LRMDA: variants seen among roughly 807,000 people sequenced by gnomAD.
LRMDA encodes leucine-rich melanocyte differentiation-associated protein.
A neutral mutation model predicts 29.8 loss-of-function variants in LRMDA; 18 were observed. The ratio of observed to expected loss-of-function variants is 0.60; its 90% CI spans 0.42 to 0.90. LRMDA has a LOEUF of 0.90. LRMDA is among the 40% of genes least tolerant of loss of function. The pLI, the probability that LRMDA is intolerant of heterozygous loss-of-function variation, is 0.00. For synonymous variants in LRMDA, 125 were observed against 109.4 expected (o/e 1.14, Z -0.89); for missense variants, 273 against 273.9 (o/e 1.00, Z 0.02).
chr10:76,418,889 G>A (rs1274531909), intron 6 of LRMDA, among the ~76,000 whole-genome samples: 1 of 151,972 alleles, frequency 6.6e-6, no homozygotes, highest in Admixed American at 6.6e-5. Context: ...TTATATTAAT[G>A]TGATGAATTA....
intron 2 of LRMDA, among the ~76,000 whole-genome samples, chr10:75,950,377 A>G (rs777978220): frequency 6.6e-6 from 1 of 152,130 alleles, no homozygotes; most frequent in Non-Finnish European, 1.5e-5. Context: ...TTACCCTTCT[A>G]AGACCCTGAG....
chr10:76,141,744 T>C (rs1004640680), intron 5 of LRMDA, among the ~76,000 whole-genome samples: 3 of 152,134 alleles, frequency 2.0e-5, no homozygotes, highest in African/African-American at 7.2e-5. Context: ...TTCAAGCCCC[T>C]TGGTCCATCA....
chr10:75,909,657 G>A (rs894554220), intron 2 of LRMDA, among the ~76,000 whole-genome samples: 3 of 152,096 alleles, frequency 2.0e-5, no homozygotes, highest in Non-Finnish European at 4.4e-5. Flanking sequence ...ATTTGACCTC[G>A]GGTAGGCTTT....
At chr10:75,531,405 G>A (rs1036201826) in intron 2 of LRMDA, among the ~76,000 whole-genome samples, 11 of 152,178 alleles carry the variant, frequency 7.2e-5, no homozygotes, top group Admixed American at 3.3e-4. Flanking sequence ...TCACAGACTC[G>A]TGGTGAGTGT....
intron 6 of LRMDA, among the ~76,000 whole-genome samples, chr10:76,436,855 T>C (rs2132287880): frequency 6.6e-6 from 1 of 152,278 alleles, no homozygotes; most frequent in Middle Eastern, 3.4e-3. Flanking sequence ...AAGCCTTCAA[T>C]TGGTCAGGTG....
intron 5 of LRMDA, among the ~76,000 whole-genome samples, chr10:76,312,203 C>CTGAT (rs1365930889): frequency 6.6e-6 from 1 of 152,172 alleles, no homozygotes; most frequent in African/African-American, 2.4e-5. Flanking sequence ...GTGTCCTCAG[C>CTGAT]TGATTGCATG....
chr10:76,149,148 T>C (rs1264645278), intron 5 of LRMDA, among the ~76,000 whole-genome samples: 2 of 152,208 alleles, frequency 1.3e-5, no homozygotes, highest in Non-Finnish European at 2.9e-5. Flanking sequence ...CATCTTCCCT[T>C]AGGTGATTTT....
At chr10:75,962,835 T>A (rs918975495) in intron 2 of LRMDA, among the ~76,000 whole-genome samples, 1 of 152,192 alleles carries the variant, frequency 6.6e-6, no homozygotes, top group Admixed American at 6.5e-5. Context: ...TTGTTTTTGC[T>A]AAGCTTTAAC....
intron 5 of LRMDA, among the ~76,000 whole-genome samples, chr10:76,118,175 T>C (rs1849698835): frequency 6.6e-6 from 1 of 152,182 alleles, no homozygotes. Flanking sequence ...TGACTAATGA[T>C]ACAGTACTGA....
At chr10:75,990,671 C>G (rs1277726087) in intron 2 of LRMDA, among the ~76,000 whole-genome samples, 4 of 151,772 alleles carry the variant, frequency 2.6e-5, no homozygotes, top group African/African-American at 7.3e-5. Flanking sequence ...ATATTTACAC[C>G]CATAAATAAA....
intron 5 of LRMDA, among the ~76,000 whole-genome samples, chr10:76,276,974 C>T (rs1478843940): frequency 3.3e-5 from 5 of 152,138 alleles, no homozygotes; most frequent in African/African-American, 7.2e-5. Flanking sequence ...TCTCAGAGCC[C>T]TTGCTAATCT....
At chr10:76,320,843 AT>A (rs1840762263) in intron 5 of LRMDA, among the ~76,000 whole-genome samples, 2 of 152,126 alleles carry the variant, frequency 1.3e-5, no homozygotes, top group South Asian at 2.1e-4. Flanking sequence ...AGAAGCAAAC[AT>A]TTTCATGAAT....
chr10:76,467,017 G>A (rs1201992831), intron 6 of LRMDA, among the ~76,000 whole-genome samples: 4 of 151,968 alleles, frequency 2.6e-5, no homozygotes, highest in South Asian at 4.2e-4. Context: ...TTAGCCATTC[G>A]GTGTTTTAAA....
intron 6 of LRMDA, among the ~76,000 whole-genome samples, chr10:76,401,376 G>A (rs934076827): frequency 6.6e-6 from 1 of 152,190 alleles, no homozygotes; most frequent in Non-Finnish European, 1.5e-5. Flanking sequence ...AGGGGCTGAT[G>A]TGGACTCATG....
chr10:76,138,574 G>GT (rs1201479108), intron 5 of LRMDA, among the ~76,000 whole-genome samples: 3 of 152,108 alleles, frequency 2.0e-5, no homozygotes, highest in Non-Finnish European at 4.4e-5. Context: ...CGCAGAGTAA[G>GT]TTTTTTTGGC....
chr10:75,756,980 CA>C (rs1164204811), intron 2 of LRMDA, among the ~76,000 whole-genome samples: 3 of 152,134 alleles, frequency 2.0e-5, no homozygotes, highest in Non-Finnish European at 2.9e-5. Context: ...AACTATAGTG[CA>C]TTGTGACTTG....
At chr10:76,489,504 A>C (rs1024209803) in intron 6 of LRMDA, among the ~76,000 whole-genome samples, 4 of 151,620 alleles carry the variant, frequency 2.6e-5, no homozygotes, top group Non-Finnish European at 4.4e-5. Flanking sequence ...TTGCATTTCA[A>C]TTTTATTTAT....
chr10:76,364,987 A>G (rs1841371090), intron 6 of LRMDA, among the ~76,000 whole-genome samples: 1 of 150,912 alleles, frequency 6.6e-6, no homozygotes, highest in African/African-American at 2.4e-5. Context: ...ACTTAGAATA[A>G]TAGTCTCCAA....
At chr10:76,395,996 G>A (rs1011853129) in intron 6 of LRMDA, among the ~76,000 whole-genome samples, 3 of 152,162 alleles carry the variant, frequency 2.0e-5, no homozygotes, top group African/African-American at 7.2e-5. Flanking sequence ...AGTTCCTTGT[G>A]AAAAGAGAAG....
Sources: gnomAD v4.1 joint callset for allele counts (sites outside exome capture counted in the v4.1 genomes callset) on GRCh38, gnomAD v4.1.1 for gene constraint, MANE v1.5 for transcripts, NCBI Gene and HGNC (gene_info 2026-07-23, HGNC 2026-07-21) for gene names.